GRIK4: variants seen among roughly 807,000 people sequenced by gnomAD.
GRIK4 encodes glutamate ionotropic receptor kainate type subunit 4.
GRIK4 carries 40 observed loss-of-function variants against 104.9 expected under a neutral mutation model. The observed-to-expected ratio is 0.38, with a 90% CI of 0.30 to 0.50. GRIK4 has a LOEUF of 0.50. Ranked by LOEUF, GRIK4 falls within the 20% of genes least tolerant of loss-of-function variation. GRIK4 has a pLI of 0.93. For missense variants in GRIK4, 1,047 were observed against 1,308.1 expected (o/e 0.80, Z 3.08); for synonymous variants, 485 against 524.9 (o/e 0.92, Z 1.04).
intron 3 of GRIK4, among the ~76,000 whole-genome samples, chr11:120,664,920 CTTGT>C (rs915576930): frequency 6.6e-6 from 1 of 152,090 alleles, no homozygotes; most frequent in African/African-American, 2.4e-5. Context: ...TTGAATCTCT[CTTGT>C]TTAAGGTTTC....
At chr11:120,769,947 T>C (rs1246398172) in intron 3 of GRIK4, among the ~76,000 whole-genome samples, 2 of 152,184 alleles carry the variant, frequency 1.3e-5, no homozygotes, top group East Asian at 3.8e-4. Context: ...CCCTCCCAGC[T>C]TAACCAATAT....
At chr11:120,830,150 T>G (rs182139373) in intron 6 of GRIK4, among the ~76,000 whole-genome samples, 16 of 151,384 alleles carry the variant, frequency 1.1e-4, no homozygotes, top group Admixed American at 1.1e-3. Context: ...GGCCAGTCCC[T>G]TGGGCTCCAA....
intron 12 of GRIK4, among the ~76,000 whole-genome samples, chr11:120,899,847 C>T (rs1446221594): frequency 1.3e-5 from 2 of 152,198 alleles, no homozygotes; most frequent in Non-Finnish European, 2.9e-5. Context: ...CAGCCCAGAG[C>T]AAAGAGGCGA....
At chr11:120,877,207 G>T (rs184034162) in intron 11 of GRIK4, among the ~76,000 whole-genome samples, 5 of 152,334 alleles carry the variant, frequency 3.3e-5, no homozygotes, top group Admixed American at 2.0e-4. Flanking sequence ...AGCAGGGTTA[G>T]GTAGGCAGCC....
chr11:120,959,765 A>G (rs948648806), intron 16 of GRIK4, among the ~76,000 whole-genome samples: 3 of 152,270 alleles, frequency 2.0e-5, no homozygotes, highest in African/African-American at 7.2e-5. Context: ...GACCATTGTA[A>G]GAGTATTTTC....
intron 16 of GRIK4, among the ~76,000 whole-genome samples, chr11:120,960,179 A>T (rs1465586803): frequency 5.3e-5 from 8 of 152,160 alleles, no homozygotes; most frequent in African/African-American, 1.9e-4. Flanking sequence ...GAATACAAAA[A>T]TTTGCTGGGC....
Position 120,987,171 on chromosome 11 carries a change from G to A in GRIK4, c.*911G>A, listed in dbSNP as rs77540637. 1 of 152,244 alleles carries A rather than the reference G, an allele frequency of 6.6e-6. No individual in the cohort carries two copies. The highest frequency in any genetic ancestry group is 2.4e-5 in the African/African-American group (1 of 41,450). The allele number at this position is 152,244 out of a possible 1,614,324, so 9.4% of individuals were successfully genotyped here. A position where few individuals can be genotyped will look rare whatever the true frequency, so the allele number is the denominator to read the frequency against. ...ATGTAGTCTCTGAAGACAGACAGGG[G>A]AGGAGAACAGAATGCACAAAGTATC... On this transcript the variant is annotated 3_prime_UTR_variant, in exon 21 of 21. Transcript: ENST00000527524.
chr11:120,843,305 G>A (rs956143617), intron 8 of GRIK4, among the ~76,000 whole-genome samples: 1 of 152,234 alleles, frequency 6.6e-6, no homozygotes, highest in Non-Finnish European at 1.5e-5. Flanking sequence ...CTATTTGTGG[G>A]GTGTCAACAG....
At chr11:120,778,957 T>C (rs575316776) in intron 3 of GRIK4, among the ~76,000 whole-genome samples, 315 of 152,256 alleles carry the variant, frequency 2.1e-3, no homozygotes, top group African/African-American at 7.2e-3. Flanking sequence ...ACGGCGGGGC[T>C]CCACATCTCA....
chr11:120,556,299 A>G (rs1454937372), intron 1 of GRIK4, among the ~76,000 whole-genome samples: 2 of 152,226 alleles, frequency 1.3e-5, no homozygotes, highest in East Asian at 3.9e-4. Flanking sequence ...TCTGCCCTCA[A>G]AAATACCCCA....
At chr11:120,830,961 T>C (rs1469618289) in intron 6 of GRIK4, among the ~76,000 whole-genome samples, 1 of 142,884 alleles carries the variant, frequency 7.0e-6, no homozygotes, top group Non-Finnish European at 1.5e-5. Context: ...AAGACCCTCA[T>C]GTCTCAGTGA....
chr11:120,623,651 C>T (rs1949217379), intron 1 of GRIK4, among the ~76,000 whole-genome samples: 1 of 152,256 alleles, frequency 6.6e-6, no homozygotes, highest in African/African-American at 2.4e-5. Context: ...ATTTCACGGA[C>T]CTACTTATGG....
At position 120,825,127 on chromosome 11, in the gene GRIK4, T is replaced by C. The variant is rs559995977; in HGVS notation, c.511+5207T>C. On this transcript the variant is annotated intron_variant, in intron 6 of 20. Transcript: ENST00000527524. ...TTTTAGTAGAGACAGGGTTTCACCA[T>C]GTTGGCCAGGCTGGTCTCAAACTGC... 4.6e-5 allele frequency among the ~76,000 whole-genome samples: 7 copies of C among 152,224 alleles called. No individual in the cohort carries two copies. In the East Asian group the frequency reaches 1.2e-3, roughly 25 times the overall value.
At chr11:120,536,147 G>C (rs535210260) in intron 1 of GRIK4, among the ~76,000 whole-genome samples, 2 of 152,196 alleles carry the variant, frequency 1.3e-5, no homozygotes, top group African/African-American at 2.4e-5. Flanking sequence ...TTTTCACAAA[G>C]AACAGAAAGG....
At chr11:120,890,861 A>G (rs1955268281) in intron 11 of GRIK4, among the ~76,000 whole-genome samples, 1 of 152,224 alleles carries the variant, frequency 6.6e-6, no homozygotes, top group Non-Finnish European at 1.5e-5. Flanking sequence ...CTGAAGCCGA[A>G]GGACTTACCC....
chr11:120,665,010 C>G (rs1441498362), intron 3 of GRIK4, among the ~76,000 whole-genome samples: 1 of 152,072 alleles, frequency 6.6e-6, no homozygotes, highest in Admixed American at 6.5e-5. Flanking sequence ...CACTTTATAA[C>G]TGTAATTTTT....
Position 120,590,373 on chromosome 11 carries a change from T to C in GRIK4, c.-158-63312T>C, listed in dbSNP as rs374074189. Among the ~76,000 whole-genome samples, 6 of 152,300 alleles carry C rather than the reference T, an allele frequency of 3.9e-5. No individual in the cohort carries two copies. The East Asian group carries it at 1.2e-3, about 29-fold the overall frequency. On this transcript the variant is annotated intron_variant, in intron 1 of 20. Transcript: ENST00000527524. ...GGCTTTGTCTGAATTGGAATGAAAT[T>C]GTCTTGCAGAATCTGCTCTCTTACC...
intron 3 of GRIK4, among the ~76,000 whole-genome samples, chr11:120,744,257 C>CT (rs1951395930): frequency 6.6e-6 from 1 of 152,180 alleles, no homozygotes; most frequent in Admixed American, 6.5e-5. Flanking sequence ...CCGCAAACAG[C>CT]TGCTGGGACT....
intron 1 of GRIK4, among the ~76,000 whole-genome samples, chr11:120,571,503 C>T (rs1257616489): frequency 1.3e-5 from 2 of 152,184 alleles, no homozygotes; most frequent in African/African-American, 4.8e-5. Flanking sequence ...GCAGGACCCT[C>T]CTGCATGCTG....
Sources: gnomAD v4.1 joint callset for allele counts (sites outside exome capture counted in the v4.1 genomes callset) on GRCh38, gnomAD v4.1.1 for gene constraint, MANE v1.5 for transcripts, NCBI Gene and HGNC (gene_info 2026-07-23, HGNC 2026-07-21) for gene names.